The following SPACA7 variants were observed in gnomAD, a reference collection of about 807,000 sequenced individuals.
The protein encoded by SPACA7 is sperm acrosome associated 7.
A neutral mutation model predicts 26.3 loss-of-function variants in SPACA7; 19 were observed. The observed-to-expected ratio is 0.72, with a 90% CI of 0.50 to 1.06. The LOEUF is 1.06. Ranked by LOEUF, SPACA7 falls within the 50% of genes least tolerant of loss-of-function variation. SPACA7 has a pLI of 0.00. For missense variants in SPACA7, 211 were observed against 229.9 expected (o/e 0.92, Z 0.53); for synonymous variants, 84 against 84.5 (o/e 0.99, Z 0.04).
intron 5 of SPACA7, among the ~76,000 whole-genome samples, chr13:112,430,719 G>A (rs535581188): frequency 2.2e-4 from 34 of 152,104 alleles, no homozygotes; most frequent in Non-Finnish European, 4.3e-4. Context: ...ATTACCCACG[G>A]GTTTCACCAG....
chr13:112,376,681 C>T (rs1311695243), intron 1 of SPACA7, among the ~76,000 whole-genome samples: 1 of 152,168 alleles, frequency 6.6e-6, no homozygotes, highest in Non-Finnish European at 1.5e-5. Context: ...GCAAATGTTA[C>T]TTATTTTAAC....
chr13:112,400,450 TC>T (rs1218256822), intron 4 of SPACA7, among the ~76,000 whole-genome samples: 1 of 152,190 alleles, frequency 6.6e-6, no homozygotes, highest in African/African-American at 2.4e-5. Flanking sequence ...GAGCTGCCCC[TC>T]CTCCCCTGTT....
chr13:112,416,003 C>G (rs1318960529), intron 5 of SPACA7, among the ~76,000 whole-genome samples: 1 of 151,984 alleles, frequency 6.6e-6, no homozygotes, highest in Non-Finnish European at 1.5e-5. Flanking sequence ...ACTTCCCTCC[C>G]TCTCTGAAGC....
chr13:112,376,532 G>A (rs1883713542), intron 1 of SPACA7, 53 bp downstream of exon 1: 2 of 1,569,376 alleles, frequency 1.3e-6, no homozygotes, highest in Non-Finnish European at 1.7e-6. Context: ...CAGGTGGGGA[G>A]CGGCGGCCTC....
rs529180967 is a variant in SPACA7 at position 112,422,640 on chromosome 13, A to C, written c.446-9804A>C. Among the ~76,000 whole-genome samples, 3 of 152,356 alleles carry C rather than the reference A, an allele frequency of 2.0e-5. No homozygotes were observed. In the East Asian group the frequency reaches 5.8e-4, roughly 29 times the overall value. ...AACCAGAAATCAATAATAGAAAATG[A>C]TGTGGGGAAATCCTCCAAATATTTG... On this transcript the variant is annotated intron_variant, in intron 5 of 6. Transcript: ENST00000283550.
intron 4 of SPACA7, 125 bp from the exon 5 acceptor site, chr13:112,400,944 C>T (rs943350780): frequency 2.8e-6 from 2 of 708,784 alleles, no homozygotes; most frequent in Admixed American, 2.6e-5. Flanking sequence ...AACATATTTT[C>T]AAATAAAACT....
intron 5 of SPACA7, among the ~76,000 whole-genome samples, chr13:112,425,592 G>A (rs932285804): frequency 2.6e-5 from 4 of 152,152 alleles, no homozygotes; most frequent in African/African-American, 7.2e-5. Flanking sequence ...GTATGAAACC[G>A]TTTTGTTTTC....
chr13:112,399,219 G>A, intron 4 of SPACA7, 46 bp downstream of exon 4: 1 of 1,020,286 alleles, frequency 9.8e-7, no homozygotes, highest in Non-Finnish European at 1.6e-6. Flanking sequence ...CAGCTGTAAT[G>A]GGAGAGGTAG....
chr13:112,379,218 T>C (rs889763910), intron 1 of SPACA7, among the ~76,000 whole-genome samples: 5 of 152,222 alleles, frequency 3.3e-5, no homozygotes, highest in African/African-American at 1.2e-4. Context: ...CCCTGAGTTC[T>C]GGAAAAGTCC....
intron 5 of SPACA7, among the ~76,000 whole-genome samples, chr13:112,431,272 G>C (rs970933285): frequency 6.6e-6 from 1 of 152,154 alleles, no homozygotes; most frequent in Non-Finnish European, 1.5e-5. Flanking sequence ...AATGTAAAAC[G>C]GATTAAGAGG....
chr13:112,383,182 AAAGAAAG>A (rs1566453581), intron 1 of SPACA7, among the ~76,000 whole-genome samples: 52 of 131,826 alleles, frequency 3.9e-4, no homozygotes, highest in Non-Finnish European at 6.4e-4. Flanking sequence ...AGAAAGAAAG[AAAGAAAG>A]AAAGAAAAGA....
At chr13:112,404,571 C>A (rs1358854987) in intron 5 of SPACA7, among the ~76,000 whole-genome samples, 1 of 152,176 alleles carries the variant, frequency 6.6e-6, no homozygotes, top group African/African-American at 2.4e-5. Flanking sequence ...AGTCCTTTAT[C>A]CATCTTGAGT....
In SPACA7 at chr13:112,416,918, A is replaced by G. The variant is rs1886728875; in HGVS notation, c.446-15526A>G. 1.3e-5 allele frequency among the ~76,000 whole-genome samples: 2 copies of G among 152,090 alleles called. 1 individual carries two copies. The highest frequency in any genetic ancestry group is 4.8e-5 in the African/African-American group (2 of 41,406). ...AGCTCATCCTGTAGCAGATTACTGA[A>G]GAATGTGCTATGGACACACAAATCT... is the stretch of plus-strand genomic sequence containing the variant. On this transcript the variant is annotated intron_variant, in intron 5 of 6. Coordinates refer to ENST00000283550, the MANE Select transcript of SPACA7 (RefSeq NM_145248.5).
intron 5 of SPACA7, among the ~76,000 whole-genome samples, chr13:112,405,519 T>A (rs1885929404): frequency 6.6e-6 from 1 of 152,218 alleles, no homozygotes; most frequent in Admixed American, 6.5e-5. Flanking sequence ...TTTATTGCCC[T>A]GTGATCAGAA....
intron 6 of SPACA7, 127 bp from the exon 7 acceptor site, chr13:112,434,358 G>A: frequency 3.9e-6 from 3 of 767,796 alleles, no homozygotes; most frequent in Non-Finnish European, 6.6e-6. Flanking sequence ...CATCCGCAGG[G>A]CTCTCCCCTC....
intron 5 of SPACA7, among the ~76,000 whole-genome samples, chr13:112,420,166 A>G (rs1048154784): frequency 2.6e-5 from 4 of 152,238 alleles, no homozygotes; most frequent in Non-Finnish European, 5.9e-5. Context: ...ACTGTGCTTC[A>G]TACATGATGT....
intron 1 of SPACA7, chr13:112,378,801 T>G: frequency 2.1e-6 from 1 of 468,846 alleles, no homozygotes; most frequent in South Asian, 1.6e-5. Context: ...TGATTCTATG[T>G]ATCAATCTCA....
chr13:112,378,400 GT>G (rs1250923617), intron 1 of SPACA7, among the ~76,000 whole-genome samples: 3 of 152,166 alleles, frequency 2.0e-5, no homozygotes, highest in Admixed American at 6.5e-5. Context: ...GATAACCAAA[GT>G]AATGCTATTC....
chr13:112,420,326 G>C lies in SPACA7; in HGVS notation c.446-12118G>C, dbSNP rs934457659. 2.0e-5 allele frequency among the ~76,000 whole-genome samples: 3 copies of C among 152,126 alleles called. No homozygotes were observed. In the East Asian group the frequency reaches 5.8e-4, roughly 29 times the overall value. On this transcript the variant is annotated intron_variant, in intron 5 of 6. Coordinates refer to ENST00000283550, the MANE Select transcript of SPACA7 (RefSeq NM_145248.5). ...TATGATTACTATGTTAAATAATCTA[G>C]TGGAAAATATGTATTAAAAGATGAG... is the stretch of plus-strand genomic sequence containing the variant.
Sources: allele counts gnomAD v4.1 joint callset (sites outside exome capture counted in the v4.1 genomes callset), GRCh38; gene constraint gnomAD v4.1.1; transcripts MANE v1.5; gene names NCBI Gene and HGNC (gene_info 2026-07-23, HGNC 2026-07-21).